The following ARR3 variants were observed in gnomAD, a reference collection of about 807,000 sequenced individuals.
ARR3 encodes arrestin 3.
In ARR3, 14 loss-of-function variants were observed where a neutral mutation model predicts 35.4. The ratio of observed to expected loss-of-function variants is 0.40; its 90% CI spans 0.26 to 0.62. ARR3 has a LOEUF of 0.62. Among genes scored for constraint, ARR3 ranks in the 20% least tolerant of loss-of-function variants. The probability of loss-of-function intolerance (pLI) is 0.46; values close to 1 mark genes in which losing one functional copy is unlikely to be tolerated. For missense variants in ARR3, 259 were observed against 303.8 expected, an observed-to-expected ratio of 0.85 and a Z score of 1.10; for synonymous variants, 97 against 119.1, an observed-to-expected ratio of 0.81 and a Z score of 1.21.
rs960446369 is a variant in ARR3, at chrX:70,280,272, G to C, written c.983G>C (p.Cys328Ser). 6 of 1,207,950 alleles carry C rather than the reference G, an allele frequency of 5.0e-6. No homozygotes were observed. Among genetic ancestry groups the C allele is most frequent in the Non-Finnish European group, 6.7e-6 (6 of 893,668 alleles). The change falls in exon 13 of 17, where the codon TGT (cysteine) becomes TCT (serine). Residue 328 changes from cysteine (C) to serine (S), a missense_variant. Physicochemically the swap from Cys to Ser is moderately radical, Grantham distance 112. Coordinates refer to ENST00000307959, the MANE Select transcript of ARR3 (RefSeq NM_004312.3). Reference sequence around the variant, plus strand: ...GTCAGAGTCAACCTGATGGTGTCCTGTGGTGGGTAAGTGAGGGTTCTGGGT... The same window carrying C: ...GTCAGAGTCAACCTGATGGTGTCCTCTGGTGGGTAAGTGAGGGTTCTGGGT... Reference protein sequence around the residue: ...YKVRVNLMVSCGGILGDLTAS... With the variant: ...YKVRVNLMVSSGGILGDLTAS...
chrX:70,272,348 G>A (rs2085633193), intron 5 of ARR3, among the ~76,000 whole-genome samples: 1 of 111,771 alleles, frequency 8.9e-6, no homozygotes, highest in Non-Finnish European at 1.9e-5. Context: ...CATAGATGAA[G>A]GAGAGACTGT....
intron 5 of ARR3, among the ~76,000 whole-genome samples, chrX:70,275,744 A>G (rs1448393961): frequency 1.1e-5 from 1 of 88,903 alleles, no homozygotes; most frequent in Non-Finnish European, 2.1e-5. Context: ...ATCTCGGCTC[A>G]CTGCAAGCTC....
intron 8 of ARR3, 80 bp downstream of exon 8, chrX:70,276,816 C>T: frequency 1.1e-6 from 1 of 933,089 alleles, no homozygotes; most frequent in Non-Finnish European, 1.5e-6. Context: ...CAGAAATAGC[C>T]CCACTTCTAA....
At chrX:70,277,903 C>G (rs2085660774) in intron 10 of ARR3, 103 bp downstream of exon 10, 1 of 897,230 alleles carries the variant, frequency 1.1e-6, no homozygotes, top group African/African-American at 2.0e-5. Flanking sequence ...GGCTTTCCCT[C>G]TAACATGGGC....
At chrX:70,278,722 A>C in intron 12 of ARR3, 81 bp downstream of exon 12, 4 of 1,115,598 alleles carry the variant, frequency 3.6e-6, no homozygotes, top group Non-Finnish European at 4.8e-6. Flanking sequence ...CTGAGGTTTC[A>C]TGTTCAGTAA....
At position 70,276,087 on chromosome X, in the gene ARR3, G is replaced by T. The variant is rs746953055; in HGVS notation, c.151G>T (p.Val51Phe). The change falls in exon 6 of 17, where the codon GTC becomes TTC. Residue 51 changes from valine to phenylalanine, a missense_variant. Transcript: ENST00000307959. The part of the protein sequence containing the change: ...PEYLKCRKLF[V>F]MLTCAFRYGR... ...TCTTCCTCCTATGCCTGCAGTGTTTGTCATGTTGACATGTGCCTTTCGCTA... is the reference window on the plus strand; with the variant it reads ...TCTTCCTCCTATGCCTGCAGTGTTTTTCATGTTGACATGTGCCTTTCGCTA... 8.3e-7 allele frequency: 1 copy of T among 1,211,798 alleles called. No homozygotes were observed. Among genetic ancestry groups the T allele is most frequent in the Non-Finnish European group, 1.1e-6 (1 of 895,474 alleles).
chrX:70,279,671 C>T (rs749254221), intron 12 of ARR3, among the ~76,000 whole-genome samples: 2 of 112,408 alleles, frequency 1.8e-5, no homozygotes, highest in African/African-American at 3.2e-5. Flanking sequence ...CAGAGTAAAT[C>T]GCAACAAAGT....
chrX:70,274,876 G>T (rs188267444), intron 5 of ARR3, among the ~76,000 whole-genome samples: 8 of 112,218 alleles, frequency 7.1e-5, no homozygotes, highest in Non-Finnish European at 1.1e-4. Flanking sequence ...CCATCACAAT[G>T]ACCATCAAGT....
intron 5 of ARR3, among the ~76,000 whole-genome samples, chrX:70,270,992 T>C (rs1325709157): frequency 9.0e-6 from 1 of 111,210 alleles, no homozygotes; most frequent in Non-Finnish European, 1.9e-5. Context: ...AGGCTCTGAA[T>C]GGGTTGATGA....
At chrX:70,275,870 G>A (rs1409790141) in intron 5 of ARR3, among the ~76,000 whole-genome samples, 1 of 107,945 alleles carries the variant, frequency 9.3e-6, no homozygotes, top group African/African-American at 3.4e-5. Context: ...GTAGAGATGG[G>A]GTTTCACTGT....
chrX:70,277,954 C>A, intron 10 of ARR3, 112 bp from the exon 11 acceptor site: 1 of 872,357 alleles, frequency 1.1e-6, no homozygotes. Context: ...GAGCATGTCT[C>A]ACTGCATCAT....
chrX:70,280,724 T>C, intron 14 of ARR3, 42 bp from the exon 15 acceptor site: 1 of 1,207,615 alleles, frequency 8.3e-7, no homozygotes, highest in South Asian at 1.8e-5. Flanking sequence ...GGATTGGGCT[T>C]GTAGAGAGAG....
intron 5 of ARR3, among the ~76,000 whole-genome samples, chrX:70,274,059 T>C (rs1193651441): frequency 9.0e-6 from 1 of 110,683 alleles, no homozygotes; most frequent in Non-Finnish European, 1.9e-5. Flanking sequence ...GTGTTTATTA[T>C]TCTCTTGATG....
chrX:70,276,549 G>C (rs1048786820), intron 7 of ARR3, 57 bp downstream of exon 7: 2 of 1,179,038 alleles, frequency 1.7e-6, no homozygotes, highest in African/African-American at 3.5e-5. Flanking sequence ...AGGAACAGTG[G>C]GACAGTCAAG....
intron 5 of ARR3, among the ~76,000 whole-genome samples, chrX:70,271,420 A>G (rs1446432329): frequency 8.9e-6 from 1 of 111,820 alleles, no homozygotes; most frequent in Non-Finnish European, 1.9e-5. Context: ...ATATTTTCTA[A>G]TGTGTTTTTC....
intron 12 of ARR3, 150 bp downstream of exon 12, chrX:70,278,791 A>T: frequency 1.3e-6 from 1 of 765,088 alleles, no homozygotes; most frequent in Non-Finnish European, 1.8e-6. Context: ...TCCAGGCCTA[A>T]AGGCCTGCAG....
intron 11 of ARR3, 59 bp downstream of exon 11, chrX:70,278,197 C>A: frequency 4.7e-6 from 5 of 1,065,503 alleles, no homozygotes; most frequent in Non-Finnish European, 6.5e-6. Flanking sequence ...GGGAAGAGGT[C>A]CAGGAGGCAG....
intron 9 of ARR3, 21 bp downstream of exon 9, chrX:70,277,550 G>T: frequency 2.5e-6 from 3 of 1,202,163 alleles, no homozygotes; most frequent in South Asian, 1.8e-5. Context: ...CCCACTTTTT[G>T]CCTCCCACCC....
chrX:70,274,741 T>C (rs1270162729), intron 5 of ARR3, among the ~76,000 whole-genome samples: 1 of 112,204 alleles, frequency 8.9e-6, no homozygotes, highest in African/African-American at 3.2e-5. Flanking sequence ...AAACATTGTG[T>C]CCTCACATGG....
Sources: allele counts gnomAD v4.1 joint callset (sites outside exome capture counted in the v4.1 genomes callset), GRCh38; gene constraint gnomAD v4.1.1; transcripts MANE v1.5; gene names NCBI Gene and HGNC (gene_info 2026-07-23, HGNC 2026-07-21).